Variants in CADPS observed in about 807,000 individuals in gnomAD.
CADPS encodes the protein calcium-dependent secretion activator 1.
A neutral mutation model predicts 167.3 loss-of-function variants in CADPS; 57 were observed. That is an observed-to-expected ratio of 0.34 (90% confidence interval 0.28 to 0.42). CADPS has a LOEUF of 0.42. Among genes scored for constraint, CADPS ranks in the 20% least tolerant of loss-of-function variants. The pLI is 1.00. For missense variants in CADPS, 1,414 were observed against 1,738.1 expected, an observed-to-expected ratio of 0.81 and a Z score of 3.32; for synonymous variants, 676 against 635.3, an observed-to-expected ratio of 1.06 and a Z score of -0.96.
intron 1 of CADPS, among the ~76,000 whole-genome samples, chr3:62,856,891 GA>G (rs754252353): frequency 1.2e-4 from 18 of 151,306 alleles, no homozygotes; most frequent in Non-Finnish European, 2.2e-4. Flanking sequence ...ATAAGTAGTA[GA>G]AGAAGATAGG....
chr3:62,471,881 T>C (rs1372189151), intron 24 of CADPS, among the ~76,000 whole-genome samples: 3 of 152,072 alleles, frequency 2.0e-5, no homozygotes, highest in African/African-American at 7.2e-5. Flanking sequence ...AAATCGTATA[T>C]ATGATAATGG....
chr3:62,754,130 G>A (rs2083327671), intron 2 of CADPS, among the ~76,000 whole-genome samples: 1 of 152,080 alleles, frequency 6.6e-6, no homozygotes, highest in South Asian at 2.1e-4. Flanking sequence ...TAACCTCTTT[G>A]TACCTCAGTG....
intron 4 of CADPS, among the ~76,000 whole-genome samples, chr3:62,659,527 C>T (rs978553091): frequency 6.6e-6 from 1 of 152,170 alleles, no homozygotes; most frequent in African/African-American, 2.4e-5. Context: ...CTTGACATCT[C>T]AGTGTAGACT....
At chr3:62,513,239 G>T (rs2068242768) in intron 16 of CADPS, among the ~76,000 whole-genome samples, 1 of 152,034 alleles carries the variant, frequency 6.6e-6, no homozygotes, top group Non-Finnish European at 1.5e-5. Context: ...GGAAAAGAAG[G>T]CATGATTTTG....
At chr3:62,574,453 C>A (rs2081904702) in intron 8 of CADPS, among the ~76,000 whole-genome samples, 1 of 152,076 alleles carries the variant, frequency 6.6e-6, no homozygotes, top group Admixed American at 6.6e-5. Flanking sequence ...ATGGCTGGAC[C>A]AAAGCTGAGC....
intron 2 of CADPS, among the ~76,000 whole-genome samples, chr3:62,762,386 G>A (rs888857143): frequency 6.6e-6 from 1 of 152,188 alleles, no homozygotes; most frequent in African/African-American, 2.4e-5. Context: ...GCCAGGTGTG[G>A]TGGCTCATGC....
At chr3:62,470,839 T>C (rs1335812388) in intron 24 of CADPS, 2 of 152,066 alleles carry the variant, frequency 1.3e-5, no homozygotes, top group Non-Finnish European at 2.9e-5. Context: ...TGTGTGTGTG[T>C]GTGTGCGCGC....
chr3:62,582,528 T>A (rs929908546), intron 8 of CADPS, among the ~76,000 whole-genome samples: 1 of 152,292 alleles, frequency 6.6e-6, no homozygotes, highest in East Asian at 1.9e-4. Flanking sequence ...TTTACACAAC[T>A]GGGCTCAGTA....
At chr3:62,402,012 T>C (rs989044826) in intron 29 of CADPS, among the ~76,000 whole-genome samples, 4 of 152,054 alleles carry the variant, frequency 2.6e-5, no homozygotes, top group African/African-American at 9.7e-5. Flanking sequence ...AGTAAAAAAA[T>C]GTGAAAATGA....
rs750276180 is a variant in CADPS, at chr3:62,516,599, G to A, written c.2438C>T (p.Thr813Ile). The change falls in exon 15 of 30, where the codon ACT becomes ATT. Residue 813 changes from threonine to isoleucine, a missense_variant. Physicochemically the swap from Thr to Ile is moderately conservative, Grantham distance 89. Transcript: ENST00000383710. The part of the protein sequence containing the change: ...FGRPEGALKA[T>I]LSLLERVLMK... ...TCTTACCCTTTCCAAGAGTGAGAGA[G>A]TAGCTTTCAAAGCACCTTCAGGTCG... 1.2e-6 allele frequency: 2 copies of A among 1,605,116 alleles called. No individual in the cohort carries two copies. The highest frequency in any genetic ancestry group is 1.7e-6 in the Non-Finnish European group (2 of 1,173,932).
At chr3:62,668,259 T>A (rs1223631633) in intron 3 of CADPS, among the ~76,000 whole-genome samples, 1 of 152,254 alleles carries the variant, frequency 6.6e-6, no homozygotes, top group African/African-American at 2.4e-5. Flanking sequence ...ATGAACCAAC[T>A]TCAGCCTCAG....
At position 62,682,205 on chromosome 3, in the gene CADPS, T is replaced by A. The variant is rs115146677; in HGVS notation, c.889-19811A>T. On this transcript the variant is annotated intron_variant, in intron 3 of 29. Coordinates refer to ENST00000383710, the MANE Select transcript of CADPS (RefSeq NM_003716.4). ...GGCTGTACCACAATACAAGTATTTC[T>A]GGAATCAAAGAAAGAACTCCACTTT... Among the ~76,000 whole-genome samples the A allele has an allele frequency of 4.9e-3, 753 of 152,210 alleles. 9 individuals carry two copies. The highest frequency in any genetic ancestry group is 0.017 in the African/African-American group (699 of 41,522).
chr3:62,759,834 C>T (rs1326846259), intron 2 of CADPS, among the ~76,000 whole-genome samples: 6 of 152,028 alleles, frequency 3.9e-5, no homozygotes, highest in Non-Finnish European at 7.4e-5. Context: ...TTTACTTTCA[C>T]GGTCATTTGA....
At chr3:62,766,103 G>A in intron 1 of CADPS, 119 bp from the exon 2 acceptor site, 1 of 519,530 alleles carries the variant, frequency 1.9e-6, no homozygotes, top group Non-Finnish European at 3.4e-6. Flanking sequence ...ATAGGTGTGT[G>A]ACAGCTGATT....
intron 29 of CADPS, among the ~76,000 whole-genome samples, chr3:62,401,439 G>A (rs1706082587): frequency 6.6e-6 from 1 of 152,180 alleles, no homozygotes; most frequent in South Asian, 2.1e-4. Flanking sequence ...TATACAAGTA[G>A]AGGCCCACCT....
chr3:62,709,879 C>T (rs1261982573), intron 3 of CADPS, among the ~76,000 whole-genome samples: 3 of 151,982 alleles, frequency 2.0e-5, no homozygotes, highest in Non-Finnish European at 4.4e-5. Context: ...AAGCAATTCT[C>T]ATCCCTCAGC....
chr3:62,431,234 T>C (rs2053878771), intron 28 of CADPS, among the ~76,000 whole-genome samples: 1 of 152,184 alleles, frequency 6.6e-6, no homozygotes, highest in Admixed American at 6.6e-5. Flanking sequence ...AGTCTAAGAC[T>C]TCAAAGCAGT....
intron 1 of CADPS, among the ~76,000 whole-genome samples, chr3:62,818,194 G>A (rs1163370681): frequency 6.6e-6 from 1 of 152,116 alleles, no homozygotes; most frequent in Non-Finnish European, 1.5e-5. Context: ...AGATACAGTT[G>A]AAGTCTTAGC....
chr3:62,674,766 T>C (rs766997306), intron 3 of CADPS, among the ~76,000 whole-genome samples: 7 of 152,180 alleles, frequency 4.6e-5, no homozygotes, highest in South Asian at 4.1e-4. Context: ...AGGGGTATCA[T>C]CTACTTTAAC....
Sources: gnomAD v4.1 joint callset for allele counts (sites outside exome capture counted in the v4.1 genomes callset) on GRCh38, gnomAD v4.1.1 for gene constraint, MANE v1.5 for transcripts, NCBI Gene and HGNC (gene_info 2026-07-23, HGNC 2026-07-21) for gene names.